Variants in MACF1 observed in about 807,000 individuals in gnomAD.
MACF1 encodes microtubule-actin cross-linking factor 1.
In MACF1, 193 loss-of-function variants were observed where a neutral mutation model predicts 854.8. The ratio of observed to expected loss-of-function variants is 0.23; its 90% CI spans 0.20 to 0.25. The LOEUF is 0.25. Ranked by LOEUF, MACF1 falls within the 10% of genes least tolerant of loss-of-function variation. The pLI is 1.00. For missense variants in MACF1, 7,722 were observed against 8,929.1 expected (o/e 0.86, Z 5.45); for synonymous variants, 3,185 against 3,226.7 (o/e 0.99, Z 0.44).
intron 1 of MACF1, among the ~76,000 whole-genome samples, chr1:39,218,182 C>CAAAAAAA (rs36113375): frequency 5.9e-5 from 5 of 84,474 alleles, no homozygotes; most frequent in African/African-American, 4.8e-5. Flanking sequence ...GACTCCGTCT[C>CAAAAAAA]AAAAAAAAAA....
At position 39,187,922 on chromosome 1, in the gene MACF1, C is replaced by CTTCT. The variant is rs1483775956; in HGVS notation, c.221-43256_221-43253dup. Among the ~76,000 whole-genome samples, 230 of 47,780 alleles carry CTTCT rather than the reference C, an allele frequency of 4.8e-3. 1 individual carries two copies. The highest frequency in any genetic ancestry group is 8.7e-3 in the Non-Finnish European group (161 of 18,604). 31.3% of individuals were successfully genotyped at this position (47,780 alleles called of 152,430 possible). A position where few individuals can be genotyped will look rare whatever the true frequency, so the allele number is the denominator to read the frequency against. On this transcript the variant is annotated intron_variant, in intron 2 of 93. Transcript: ENST00000361689. Reference sequence around the variant, plus strand: ...TCTCTCCTCTCTCCTTCCTTCCTTCCTTCTTTCCCCTTTCCCTTCCCTTCC... The same window carrying CTTCT: ...TCTCTCCTCTCTCCTTCCTTCCTTCCTTCTTTCTTTCCCCTTTCCCTTCCCTTCC...
rs892579801 is a variant in MACF1, at chr1:39,452,308, C to A, written c.20571C>A (p.Leu6857=). The A allele has an allele frequency of 6.2e-6, 10 of 1,613,962 alleles. No individual in the cohort carries two copies. In the Admixed American group the frequency reaches 6.7e-5, roughly 11 times the overall value. ...LSTRWDTVCK[L]SVSKQSRLEQ... is the part of the protein sequence containing the mutation. ...CTCGCTGGGACACTGTCTGTAAACTCTCTGTTTCCAAACAAAGCCGGCTTG... is the reference window on the plus strand; with the variant it reads ...CTCGCTGGGACACTGTCTGTAAACTATCTGTTTCCAAACAAAGCCGGCTTG... Residue 6857 remains leucine, a synonymous_variant, in exon 86 of 101, where the codon CTC becomes CTA. Coordinates refer to ENST00000564288, the MANE Select transcript of MACF1 (RefSeq NM_001394062.1).
At chr1:39,470,687 T>A (rs1173578869) in intron 97 of MACF1, among the ~76,000 whole-genome samples, 1 of 152,214 alleles carries the variant, frequency 6.6e-6, no homozygotes, top group East Asian at 1.9e-4. Flanking sequence ...CTTGAAAGTA[T>A]TTAGTTTTAG....
chr1:39,432,981 G>T, intron 67 of MACF1, 67 bp from the exon 68 acceptor site: 1 of 1,003,162 alleles, frequency 1.0e-6, no homozygotes. Flanking sequence ...CATAGATTTT[G>T]TCTTAACCTT....
At chr1:39,441,640 A>T (rs577578696) in intron 74 of MACF1, among the ~76,000 whole-genome samples, 1 of 152,214 alleles carries the variant, frequency 6.6e-6, no homozygotes, top group Non-Finnish European at 1.5e-5. Flanking sequence ...CTTCAAGCAC[A>T]GTTTGGCACA....
At position 39,393,101 on chromosome 1, in the gene MACF1, G is replaced by A. The variant is rs562160926; in HGVS notation, c.15816+4443G>A. Among the ~76,000 whole-genome samples the A allele has an allele frequency of 2.7e-5, 4 of 150,344 alleles. No individual in the cohort carries two copies. The East Asian group carries it at 5.9e-4, about 22-fold the overall frequency. On this transcript the variant is annotated intron_variant, in intron 58 of 100. Transcript: ENST00000564288. ...AAGGAATTGTATGTGTCTAACAGGA[G>A]GCTAACAAGAAAGGAAGGACGTTTT...
intron 2 of MACF1, among the ~76,000 whole-genome samples, chr1:39,241,691 C>T (rs1311817337): frequency 6.9e-6 from 1 of 144,980 alleles, no homozygotes; most frequent in Admixed American, 6.9e-5. Flanking sequence ...AAGAGTACTA[C>T]GTGACAATCC....
intron 26 of MACF1, among the ~76,000 whole-genome samples, chr1:39,313,642 T>C (rs1393629484): frequency 6.6e-6 from 1 of 152,012 alleles, no homozygotes; most frequent in Non-Finnish European, 1.5e-5. Context: ...TTTTATTCAA[T>C]GGTGTGTAAT....
In MACF1 at chr1:39,460,891, G is replaced by T; in HGVS notation, c.21523+97G>T. On this transcript the variant is annotated intron_variant, in intron 92 of 100. Transcript: ENST00000564288. This position sits in a 1 kb window ranked among gnomAD's most constrained non-coding sequence, Gnocchi z 4.1. Reference sequence around the variant, plus strand: ...TAGCTAAACAGTCTTTCTGAAGCTGGCCAGGAGCTTGGCTCACACCTGTAA... The same window carrying T: ...TAGCTAAACAGTCTTTCTGAAGCTGTCCAGGAGCTTGGCTCACACCTGTAA... 7.0e-7 allele frequency: 1 copy of T among 1,430,768 alleles called. No individual in the cohort carries two copies. The highest frequency in any genetic ancestry group is 1.2e-5 in the South Asian group (1 of 80,370). The allele number at this position is 1,430,768 out of a possible 1,614,324, so 88.6% of individuals were successfully genotyped here. A position where few individuals can be genotyped will look rare whatever the true frequency, so the allele number is the denominator to read the frequency against.
At chr1:39,380,682 G>A (rs1367399216) in intron 55 of MACF1, among the ~76,000 whole-genome samples, 1 of 152,158 alleles carries the variant, frequency 6.6e-6, no homozygotes, top group Non-Finnish European at 1.5e-5. Flanking sequence ...TGAGACAGGA[G>A]GATTGCTTGA....
Position 39,362,441 on chromosome 1 carries a change from A to G in MACF1, c.12771+764A>G, listed in dbSNP as rs192099738. 3.9e-5 allele frequency among the ~76,000 whole-genome samples: 6 copies of G among 152,320 alleles called. No homozygotes were observed. In the East Asian group the frequency reaches 1.2e-3, roughly 29 times the overall value. ...AAGAAATGGTCCATTACACACCAGCATACTCTTCACCTAGATTCACCAGTT... is the reference window on the plus strand; with the variant it reads ...AAGAAATGGTCCATTACACACCAGCGTACTCTTCACCTAGATTCACCAGTT... On this transcript the variant is annotated intron_variant, in intron 49 of 100. Coordinates refer to ENST00000564288, the MANE Select transcript of MACF1 (RefSeq NM_001394062.1).
chr1:39,420,805 T>C (rs565387109), intron 58 of MACF1, among the ~76,000 whole-genome samples: 1 of 152,106 alleles, frequency 6.6e-6, no homozygotes, highest in South Asian at 2.1e-4. Context: ...GGAAGGGAAA[T>C]AAATCCAGGC....
chr1:39,105,185 C>T lies in MACF1; in HGVS notation c.220+20747C>T, dbSNP rs1205468762. On this transcript the variant is annotated intron_variant, in intron 2 of 93. Coordinates refer to the MACF1 transcript ENST00000361689. This position sits in a 1 kb window ranked among gnomAD's most constrained non-coding sequence, Gnocchi z 5.9. ...GCCCCAGTCCGGGCCGGGCGGGGGT[C>T]GGCAGCCCCTGGGGGACCCGTGTGG... Among the ~76,000 whole-genome samples, 1 of 150,764 alleles carries T rather than the reference C, an allele frequency of 6.6e-6. No homozygotes were observed. Among genetic ancestry groups the T allele is most frequent in the Non-Finnish European group, 1.5e-5 (1 of 67,538 alleles).
At chr1:39,265,205 C>T (rs904722636) in intron 6 of MACF1, among the ~76,000 whole-genome samples, 1 of 152,008 alleles carries the variant, frequency 6.6e-6, no homozygotes, top group Non-Finnish European at 1.5e-5. Context: ...CACTTTATGG[C>T]ACTTGGTGCT....
intron 33 of MACF1, among the ~76,000 whole-genome samples, chr1:39,323,705 G>T (rs1379441764): frequency 1.3e-5 from 2 of 151,888 alleles, no homozygotes; most frequent in African/African-American, 2.4e-5. Context: ...TGTAAAATAA[G>T]TTTCTGCATA....
At chr1:39,347,560 A>G (rs1360049596) in intron 41 of MACF1, among the ~76,000 whole-genome samples, 1 of 152,106 alleles carries the variant, frequency 6.6e-6, no homozygotes, top group East Asian at 1.9e-4. Flanking sequence ...TTTCTCCTTT[A>G]GCATTGTTTT....
chr1:39,372,821 AG>A (rs1649362009), intron 52 of MACF1: 2 of 443,036 alleles, frequency 4.5e-6, no homozygotes, highest in African/African-American at 4.0e-5. Flanking sequence ...TAAATGAACT[AG>A]TTGTCCCACT....
At chr1:39,248,277 A>G (rs1190663915) in intron 2 of MACF1, among the ~76,000 whole-genome samples, 1 of 150,790 alleles carries the variant, frequency 6.6e-6, no homozygotes, top group East Asian at 1.9e-4. Flanking sequence ...TATCTTGTCC[A>G]GTTTCCATTC....
At chr1:39,254,591 T>C in intron 5 of MACF1, 1 of 488,330 alleles carries the variant, frequency 2.0e-6, no homozygotes, top group Non-Finnish European at 3.6e-6. Flanking sequence ...AGGAAGAATG[T>C]TCACGGAGAA....
Sources: allele counts gnomAD v4.1 joint callset (sites outside exome capture counted in the v4.1 genomes callset), GRCh38; gene constraint gnomAD v4.1.1; non-coding constraint Gnocchi (gnomAD v3.1); transcripts MANE v1.5; gene names NCBI Gene and HGNC (gene_info 2026-07-23, HGNC 2026-07-21).